The following PCBP3 variants were observed in gnomAD, a reference collection of about 807,000 sequenced individuals.
PCBP3 encodes the protein poly(rC) binding protein 3.
Under a neutral mutation model 52.7 loss-of-function variants are expected in PCBP3, and 25 were observed. That is an observed-to-expected ratio of 0.47 (90% CI 0.35 to 0.66). The LOEUF is 0.66. PCBP3 is among the 30% of genes least tolerant of loss of function. The pLI is 0.01. For missense variants in PCBP3, 391 were observed against 490.3 expected (o/e 0.80, Z 1.91); for synonymous variants, 162 against 183.0 (o/e 0.89, Z 0.93).
chr21:45,765,558 C>A (rs534231678), intron 4 of PCBP3, among the ~76,000 whole-genome samples: 6 of 152,308 alleles, frequency 3.9e-5, no homozygotes, highest in South Asian at 2.1e-4. Flanking sequence ...CCCCGTGGGG[C>A]TCCTGGGACT....
intron 5 of PCBP3, among the ~76,000 whole-genome samples, chr21:45,867,688 G>A (rs1328748511): frequency 6.6e-6 from 1 of 152,270 alleles, no homozygotes; most frequent in Non-Finnish European, 1.5e-5. Flanking sequence ...TGGGGGCTGC[G>A]CCCATCGTGG....
At chr21:45,721,761 G>A (rs2084658916) in intron 2 of PCBP3, among the ~76,000 whole-genome samples, 1 of 152,182 alleles carries the variant, frequency 6.6e-6, no homozygotes, top group Non-Finnish European at 1.5e-5. Flanking sequence ...CATAGACAGG[G>A]AGGGGACTGA....
Position 45,940,112 on chromosome 21 carries a change from A to G in PCBP3, c.992A>G (p.Asn331Ser), listed in dbSNP as rs758512879. The G allele has an allele frequency of 2.0e-5, 33 of 1,614,066 alleles. No individual in the cohort carries two copies. The highest frequency in any genetic ancestry group is 1.3e-4 in the East Asian group (6 of 44,890). ...TCTGGAGCTCAGATCAAAATCGCCAACGCCACGGAAGGGTCCTCAGAGCGT... is the reference window on the plus strand; with the variant it reads ...TCTGGAGCTCAGATCAAAATCGCCAGCGCCACGGAAGGGTCCTCAGAGCGT... The part of the protein sequence containing the change: ...QMSGAQIKIA[N>S]ATEGSSERQI... The change falls in exon 17 of 18, where the codon AAC (asparagine) becomes AGC (serine). Residue 331 changes from asparagine to serine, a missense_variant. Asn to Ser is a conservative substitution (Grantham distance 46). Transcript: ENST00000681687.
At chr21:45,658,672 C>G (rs2080180998) in intron 1 of PCBP3, among the ~76,000 whole-genome samples, 1 of 152,130 alleles carries the variant, frequency 6.6e-6, no homozygotes. Context: ...ATCTCTTTGT[C>G]TGGTTTTGGT....
intron 16 of PCBP3, among the ~76,000 whole-genome samples, chr21:45,939,812 G>A (rs554895719): frequency 6.6e-6 from 1 of 152,340 alleles, no homozygotes; most frequent in East Asian, 1.9e-4. Flanking sequence ...GCCAGCAGAG[G>A]CACAGGTGCT....
Position 45,911,807 on chromosome 21 carries a change from C to T in PCBP3, c.600+777C>T, listed in dbSNP as rs543888038. Among the ~76,000 whole-genome samples the T allele has an allele frequency of 1.6e-4, 24 of 152,332 alleles. No individual in the cohort carries two copies. The South Asian group carries it at 5.0e-3, about 32-fold the overall frequency. ...TGGGGTTCAAACCCCATGTTTGACT[C>T]TTTAAAAAATGTTTGCGTAGTTGTT... On this transcript the variant is annotated intron_variant, in intron 11 of 17. Transcript: ENST00000681687.
chr21:45,803,314 C>T (rs2092377652), intron 4 of PCBP3, among the ~76,000 whole-genome samples: 1 of 152,188 alleles, frequency 6.6e-6, no homozygotes, highest in African/African-American at 2.4e-5. Flanking sequence ...TACCTTTCAC[C>T]CCCAGAATGG....
At chr21:45,674,990 C>T (rs1467378208) in intron 2 of PCBP3, among the ~76,000 whole-genome samples, 9 of 152,218 alleles carry the variant, frequency 5.9e-5, no homozygotes, top group Admixed American at 5.9e-4. Flanking sequence ...GATGCCACCG[C>T]ATCTTCAGGA....
Position 45,910,883 on chromosome 21 carries a change from C to T in PCBP3, c.472-19C>T, listed in dbSNP as rs775253728. On this transcript the variant is annotated intron_variant, in intron 10 of 17. Coordinates refer to ENST00000681687, the MANE Select transcript of PCBP3 (RefSeq NM_001384156.1). ...GCGCTGCTACCCTGGTGCTCCCTTC[C>T]AATGTCCCCTCTCTCCAGTCCACAG... The T allele has an allele frequency of 6.3e-7, 1 of 1,584,574 alleles. No homozygotes were observed. Among genetic ancestry groups the T allele is most frequent in the Admixed American group, 1.7e-5 (1 of 59,092 alleles).
In PCBP3 at chr21:45,925,275, C is replaced by CT. The variant is rs377465065; in HGVS notation, c.718-4641dup. Among the ~76,000 whole-genome samples the CT allele has an allele frequency of 5.4e-3, 818 of 152,070 alleles. 8 individuals are homozygous for CT. The highest frequency in any genetic ancestry group is 0.019 in the African/African-American group (773 of 41,468). On this transcript the variant is annotated intron_variant, in intron 13 of 17. Transcript: ENST00000681687. ...AGGGAGAAGACACTGAGTGTAGACT[C>CT]TCAACGCACATGTTAAAGTTTCAAT...
chr21:45,845,907 G>A (rs1372161296), intron 4 of PCBP3, among the ~76,000 whole-genome samples: 1 of 152,316 alleles, frequency 6.6e-6, no homozygotes, highest in South Asian at 2.1e-4. Flanking sequence ...TACTCCCGGG[G>A]TCTCACAGCC....
chr21:45,814,787 GGTGA>G (rs1420266148), intron 4 of PCBP3, among the ~76,000 whole-genome samples: 2 of 135,934 alleles, frequency 1.5e-5, no homozygotes, highest in Non-Finnish European at 3.2e-5. Flanking sequence ...AGTGATGAGT[GGTGA>G]GTGAGTGGTG....
intron 3 of PCBP3, chr21:45,744,371 T>A (rs1048511213): frequency 1.3e-5 from 2 of 152,062 alleles, no homozygotes; most frequent in African/African-American, 4.8e-5. Context: ...ATTTTTAAAA[T>A]TTTTTTAGGC....
chr21:45,925,140 T>C (rs80210558), intron 13 of PCBP3, among the ~76,000 whole-genome samples: 5,612 of 22,252 alleles, frequency 0.25, 1,938 homozygotes, highest in African/African-American at 0.55. Flanking sequence ...CGGGTGTGCG[T>C]GAGGAGATGC....
chr21:45,703,133 A>T (rs1046867541), intron 2 of PCBP3, among the ~76,000 whole-genome samples: 6 of 152,206 alleles, frequency 3.9e-5, no homozygotes, highest in Non-Finnish European at 8.8e-5. Flanking sequence ...ACTTCCTTCA[A>T]TAAAGGATGG....
intron 3 of PCBP3, chr21:45,749,976 A>G (rs1294195313): frequency 2.0e-5 from 3 of 152,228 alleles, no homozygotes; most frequent in African/African-American, 7.2e-5. Context: ...CTTTCATGAC[A>G]TTGATGTTTT....
intron 1 of PCBP3, among the ~76,000 whole-genome samples, chr21:45,644,078 C>T (rs1217324097): frequency 6.7e-6 from 1 of 150,326 alleles, no homozygotes. Flanking sequence ...GACTCGCGCT[C>T]CCTCAAGGTG....
intron 2 of PCBP3, among the ~76,000 whole-genome samples, chr21:45,708,058 G>A (rs1484402125): frequency 6.6e-6 from 1 of 152,112 alleles, no homozygotes; most frequent in Non-Finnish European, 1.5e-5. Flanking sequence ...TAAAACTATG[G>A]GACTGAGGAA....
chr21:45,843,193 T>A (rs1407255976), intron 4 of PCBP3, among the ~76,000 whole-genome samples: 2 of 145,690 alleles, frequency 1.4e-5, no homozygotes, highest in Non-Finnish European at 2.9e-5. Flanking sequence ...ATGTCCAGAG[T>A]TGTTGGCTGT....
Sources: allele counts gnomAD v4.1 joint callset (sites outside exome capture counted in the v4.1 genomes callset), GRCh38; gene constraint gnomAD v4.1.1; transcripts MANE v1.5; gene names NCBI Gene and HGNC (gene_info 2026-07-23, HGNC 2026-07-21).